CCDC191: variants seen among roughly 807,000 people sequenced by gnomAD.
CCDC191 encodes the protein coiled-coil domain-containing protein 191.
A neutral mutation model predicts 114.0 loss-of-function variants in CCDC191; 99 were observed. The ratio of observed to expected loss-of-function variants is 0.87; its 90% CI spans 0.74 to 1.03. The LOEUF (loss-of-function observed/expected upper bound fraction) is 1.03, where lower values mean the gene tolerates loss of function less well. Among genes scored for constraint, CCDC191 ranks in the 50% least tolerant of loss-of-function variants. The pLI, the probability that CCDC191 is intolerant of heterozygous loss-of-function variation, is 0.00. For missense variants in CCDC191, 973 were observed against 1,087.0 expected (o/e 0.90, Z 1.47); for synonymous variants, 351 against 376.0 (o/e 0.93, Z 0.77).
chr3:114,024,196 A>G (rs1021607249), intron 7 of CCDC191, among the ~76,000 whole-genome samples: 8 of 152,314 alleles, frequency 5.3e-5, no homozygotes, highest in Non-Finnish European at 8.8e-5. Context: ...AAAGTCAGGA[A>G]ACAACAGGTG....
chr3:114,031,910 A>T, intron 6 of CCDC191, 131 bp from the exon 7 acceptor site: 1 of 560,996 alleles, frequency 1.8e-6, no homozygotes, highest in South Asian at 2.4e-5. Context: ...TGGCTCTAAA[A>T]CTACATAGTA....
chr3:113,991,727 T>C (rs1034098858), intron 13 of CCDC191, among the ~76,000 whole-genome samples: 7 of 152,170 alleles, frequency 4.6e-5, no homozygotes, highest in African/African-American at 1.4e-4. Context: ...GAAATAATAT[T>C]GCATTTATTA....
At chr3:113,990,743 C>A (rs1028266687) in intron 13 of CCDC191, among the ~76,000 whole-genome samples, 5 of 151,454 alleles carry the variant, frequency 3.3e-5, no homozygotes, top group African/African-American at 1.2e-4. Context: ...AAAGGGTATA[C>A]TTCCCCCATT....
At chr3:114,041,037 A>C (rs2076552627) in intron 4 of CCDC191, among the ~76,000 whole-genome samples, 1 of 151,874 alleles carries the variant, frequency 6.6e-6, no homozygotes, top group African/African-American at 2.4e-5. Flanking sequence ...AAAAAAAAAA[A>C]CTCTACCAGC....
At chr3:113,979,273 C>G (rs2075053048) in intron 14 of CCDC191, among the ~76,000 whole-genome samples, 1 of 152,164 alleles carries the variant, frequency 6.6e-6, no homozygotes, top group African/African-American at 2.4e-5. Context: ...AACAACCAAC[C>G]TCTAAGCCAT....
At chr3:113,998,104 G>A (rs2075769934) in intron 13 of CCDC191, among the ~76,000 whole-genome samples, 1 of 151,738 alleles carries the variant, frequency 6.6e-6, no homozygotes, top group Non-Finnish European at 1.5e-5. Context: ...TCAGGAGTTC[G>A]AGACTAGCCT....
At chr3:113,968,051 T>A (rs1021875623) in intron 16 of CCDC191, among the ~76,000 whole-genome samples, 17 of 152,248 alleles carry the variant, frequency 1.1e-4, no homozygotes, top group African/African-American at 4.1e-4. Context: ...GTGCTCAGGT[T>A]GATTCCATAT....
At chr3:114,016,012 G>A (rs1411739976) in intron 8 of CCDC191, among the ~76,000 whole-genome samples, 2 of 152,194 alleles carry the variant, frequency 1.3e-5, no homozygotes, top group African/African-American at 4.8e-5. Context: ...GAAAGAAAAG[G>A]GGCAAAAGAA....
At position 114,011,038 on chromosome 3, in the gene CCDC191, T is replaced by A. The variant is rs759054175; in HGVS notation, c.1164-17A>T. On this transcript the variant is annotated splice_polypyrimidine_tract_variant and intron_variant, in intron 8 of 16. Transcript: ENST00000295878. Reference sequence around the variant, plus strand: ...TGTTGTTTTCTAAGCAACAAAGCACTTCCATTAAAATAAAGAAGCCATTTA... The same window carrying A: ...TGTTGTTTTCTAAGCAACAAAGCACATCCATTAAAATAAAGAAGCCATTTA... 6.3e-7 allele frequency: 1 copy of A among 1,592,092 alleles called. No homozygotes were observed. The highest frequency in any genetic ancestry group is 8.6e-7 in the Non-Finnish European group (1 of 1,169,266).
intron 13 of CCDC191, among the ~76,000 whole-genome samples, chr3:113,995,546 GAAAATAGGTGCT>G (rs1247205511): frequency 6.6e-6 from 1 of 152,174 alleles, no homozygotes; most frequent in African/African-American, 2.4e-5. Flanking sequence ...AGGAGCTGGG[GAAAATAGGTGCT>G]GACCTAGGGA....
At chr3:113,965,502 A>T (rs1347550288) in intron 16 of CCDC191, 143 bp from the exon 17 acceptor site, 3 of 463,138 alleles carry the variant, frequency 6.5e-6, no homozygotes, top group Admixed American at 8.0e-5. Context: ...CGGGATTATG[A>T]CAGTGTGAAA....
In CCDC191 at chr3:114,056,358, A is replaced by G. The variant is rs568214810; in HGVS notation, c.90+19T>C. ...CCTTGGGAAAGTCCCCGCCCTCCAA[A>G]GCTCTCGATTGGGATCACCTTGGGA... On this transcript the variant is annotated intron_variant, in intron 1 of 16. Coordinates refer to ENST00000295878, the MANE Select transcript of CCDC191 (RefSeq NM_020817.2). 16 of 1,613,176 alleles carry G rather than the reference A, an allele frequency of 9.9e-6. No individual in the cohort carries two copies. The African/African-American group carries it at 2.1e-4, about 22-fold the overall frequency.
intron 9 of CCDC191, among the ~76,000 whole-genome samples, chr3:114,009,550 A>G (rs1455678919): frequency 6.6e-6 from 1 of 152,180 alleles, no homozygotes; most frequent in Non-Finnish European, 1.5e-5. Flanking sequence ...ACTAAGCAAG[A>G]GGAACTTTTT....
At chr3:113,981,879 T>C (rs3903132) in intron 13 of CCDC191, among the ~76,000 whole-genome samples, 85,938 of 152,098 alleles carry the variant, frequency 0.57, 24,472 homozygotes, top group African/African-American at 0.63. Flanking sequence ...ACTCTTTATT[T>C]CAGGCACTTG....
At chr3:113,981,074 TA>T (rs2075134096) in intron 13 of CCDC191, among the ~76,000 whole-genome samples, 1 of 152,128 alleles carries the variant, frequency 6.6e-6, no homozygotes, top group Non-Finnish European at 1.5e-5. Flanking sequence ...ACCAAGTAAC[TA>T]AAAGGTAAAA....
intron 13 of CCDC191, among the ~76,000 whole-genome samples, chr3:113,990,276 A>G (rs1392898977): frequency 6.6e-6 from 1 of 152,180 alleles, no homozygotes; most frequent in Admixed American, 6.5e-5. Context: ...CTGATCTCAT[A>G]GACATTAAAA....
intron 1 of CCDC191, chr3:114,054,325 C>G (rs530084755): frequency 6.6e-6 from 1 of 152,156 alleles, no homozygotes; most frequent in Non-Finnish European, 1.5e-5. Flanking sequence ...GAGTTATCTT[C>G]TTTGCCAAAA....
intron 16 of CCDC191, among the ~76,000 whole-genome samples, chr3:113,967,463 T>G (rs73230261): frequency 0.013 from 1,951 of 152,048 alleles, 30 homozygotes; most frequent in South Asian, 0.038. Context: ...TGATCACTGG[T>G]TTGGCACTTA....
chr3:114,032,671 C>G (rs1035645297), intron 6 of CCDC191, among the ~76,000 whole-genome samples: 2 of 152,128 alleles, frequency 1.3e-5, no homozygotes, highest in Non-Finnish European at 2.9e-5. Flanking sequence ...CTCACTCATT[C>G]TCATATATGT....
Sources: allele counts gnomAD v4.1 joint callset (sites outside exome capture counted in the v4.1 genomes callset), GRCh38; gene constraint gnomAD v4.1.1; transcripts MANE v1.5; gene names NCBI Gene and HGNC (gene_info 2026-07-23, HGNC 2026-07-21).